FOXP2: variants seen among roughly 807,000 people sequenced by gnomAD.
The protein encoded by FOXP2 is forkhead box protein P2.
A neutral mutation model predicts 115.8 loss-of-function variants in FOXP2; 12 were observed. The observed-to-expected ratio is 0.10, with a 90% CI of 0.07 to 0.17. FOXP2 has a LOEUF of 0.17. FOXP2 is among the 10% of genes least tolerant of loss of function. The probability of loss-of-function intolerance (pLI) is 1.00; values close to 1 mark genes in which losing one functional copy is unlikely to be tolerated. For synonymous variants in FOXP2, 328 were observed against 297.7 expected, an observed-to-expected ratio of 1.10 and a Z score of -1.05; for missense variants, 629 against 843.5, an observed-to-expected ratio of 0.75 and a Z score of 3.15.
At chr7:114,161,743 A>G (rs1426998221), upstream of FOXP2, among the ~76,000 whole-genome samples, 1 of 152,044 alleles carries the variant, frequency 6.6e-6, no homozygotes. Flanking sequence ...AGATAAGGCA[A>G]GGGGATGTGA....
chr7:114,099,823 C>A (rs183086768), intron 1 of FOXP2, among the ~76,000 whole-genome samples: 1 of 151,956 alleles, frequency 6.6e-6, no homozygotes, highest in African/African-American at 2.4e-5. Flanking sequence ...GTCACAGATA[C>A]GTAGGATGAA....
At chr7:114,248,180 C>CAGAG (rs71314647) in intron 1 of FOXP2, among the ~76,000 whole-genome samples, 48,275 of 145,762 alleles carry the variant, frequency 0.33, 8,311 homozygotes, top group South Asian at 0.45. Flanking sequence ...AGCTTAAAAA[C>CAGAG]AGAGAGAGAG....
At position 114,672,421 on chromosome 7, in the gene FOXP2, C is replaced by G. The variant is rs543490951; in HGVS notation, c.2003+7985C>G. Among the ~76,000 whole-genome samples the G allele has an allele frequency of 1.1e-4, 17 of 152,148 alleles. No individual in the cohort carries two copies. The South Asian group carries it at 3.5e-3, about 32-fold the overall frequency. On this transcript the variant is annotated intron_variant, in intron 16 of 16. Transcript: ENST00000350908. ...CCAATGTGGCAAAACCCCGTCTCTA[C>G]TAAAAATACAAAAATTAGCTGGGCA...
chr7:114,392,511 T>C (rs544538642), intron 2 of FOXP2, among the ~76,000 whole-genome samples: 2 of 152,330 alleles, frequency 1.3e-5, no homozygotes, highest in Admixed American at 1.3e-4. Context: ...AGTTCCCCTA[T>C]GAAGCAGAAT....
At chr7:114,445,708 A>G (rs1794803680) in intron 2 of FOXP2, among the ~76,000 whole-genome samples, 1 of 152,168 alleles carries the variant, frequency 6.6e-6, no homozygotes, top group African/African-American at 2.4e-5. Flanking sequence ...CACAGTTTCT[A>G]ATTTAAGCTT....
At chr7:114,101,351 C>A (rs1316915872) in intron 1 of FOXP2, among the ~76,000 whole-genome samples, 4 of 152,056 alleles carry the variant, frequency 2.6e-5, no homozygotes. Flanking sequence ...TGCCTCTCAC[C>A]CCAGTTGTTA....
At chr7:114,626,529 A>ATC (rs1346865656) in intron 3 of FOXP2, among the ~76,000 whole-genome samples, 4 of 134,354 alleles carry the variant, frequency 3.0e-5, no homozygotes, top group Admixed American at 7.3e-5. Flanking sequence ...TATAGAAGGC[A>ATC]TATCTCTCTC....
chr7:114,112,611 CT>C (rs1275427007), intron 1 of FOXP2, among the ~76,000 whole-genome samples: 2 of 152,000 alleles, frequency 1.3e-5, no homozygotes, highest in Non-Finnish European at 2.9e-5. Context: ...GGTTTCTGCA[CT>C]TCTAATGCTT....
chr7:114,533,876 C>T (rs762870196), intron 2 of FOXP2, among the ~76,000 whole-genome samples: 6 of 151,802 alleles, frequency 4.0e-5, no homozygotes, highest in Non-Finnish European at 7.4e-5. Flanking sequence ...AAATGAAATG[C>T]TTACATTAAT....
intron 1 of FOXP2, among the ~76,000 whole-genome samples, chr7:114,200,788 A>G (rs980086126): frequency 6.6e-6 from 1 of 152,148 alleles, no homozygotes. Flanking sequence ...CCCCTATGCT[A>G]CTATTACGAC....
intron 2 of FOXP2, among the ~76,000 whole-genome samples, chr7:114,435,888 T>C (rs1351789828): frequency 2.0e-5 from 3 of 149,782 alleles, no homozygotes; most frequent in African/African-American, 5.1e-5. Flanking sequence ...CCGTTAAAGA[T>C]TTTTTTTAGT....
At chr7:114,447,750 C>A (rs145642227) in intron 2 of FOXP2, among the ~76,000 whole-genome samples, 52 of 152,220 alleles carry the variant, frequency 3.4e-4, no homozygotes, top group African/African-American at 1.3e-3. Context: ...CAAATGCATA[C>A]CCATCTTGGG....
At chr7:114,586,521 A>G (rs984712692) in intron 3 of FOXP2, among the ~76,000 whole-genome samples, 5 of 152,228 alleles carry the variant, frequency 3.3e-5, no homozygotes, top group South Asian at 4.1e-4. Context: ...ATATGCAAAT[A>G]GATTTTAACA....
chr7:114,196,225 T>C (rs1240131911), intron 1 of FOXP2, among the ~76,000 whole-genome samples: 1 of 152,076 alleles, frequency 6.6e-6, no homozygotes, highest in Admixed American at 6.5e-5. Flanking sequence ...TTGTCCAGGA[T>C]AGTCTCCATC....
chr7:114,612,008 A>T (rs749382221), intron 3 of FOXP2, among the ~76,000 whole-genome samples: 1 of 152,190 alleles, frequency 6.6e-6, no homozygotes, highest in Non-Finnish European at 1.5e-5. Flanking sequence ...ACTTTTAAGT[A>T]TACTTTTTAA....
At chr7:114,128,963 T>TA (rs1338619150) in intron 1 of FOXP2, among the ~76,000 whole-genome samples, 1 of 152,128 alleles carries the variant, frequency 6.6e-6, no homozygotes, top group East Asian at 1.9e-4. Context: ...TATTAGGACA[T>TA]AAAAAACACT....
chr7:114,600,096 C>A (rs1002623765), intron 3 of FOXP2, among the ~76,000 whole-genome samples: 4 of 152,116 alleles, frequency 2.6e-5, no homozygotes, highest in African/African-American at 9.7e-5. Context: ...TAGTTTTTGA[C>A]AAAAGCATAA....
intron 2 of FOXP2, chr7:114,498,784 A>G (rs1385282565): frequency 1.4e-6 from 1 of 706,720 alleles, no homozygotes; most frequent in Non-Finnish European, 2.6e-6. Context: ...CATACTTTGC[A>G]AATAATTTTT....
chr7:114,514,460 T>A (rs1798230596), intron 2 of FOXP2, among the ~76,000 whole-genome samples: 1 of 74,012 alleles, frequency 1.4e-5, no homozygotes, highest in African/African-American at 8.4e-5. Flanking sequence ...ACTCTATTTA[T>A]ATTAGTTCAA....
Sources: gnomAD v4.1 joint callset for allele counts (sites outside exome capture counted in the v4.1 genomes callset) on GRCh38, gnomAD v4.1.1 for gene constraint, MANE v1.5 for transcripts, NCBI Gene and HGNC (gene_info 2026-07-23, HGNC 2026-07-21) for gene names.